The following FBXO32 variants were observed in gnomAD, a reference collection of about 807,000 sequenced individuals.
FBXO32 encodes the protein F-box only protein 32.
In FBXO32, 15 loss-of-function variants were observed where a neutral mutation model predicts 48.3. That is an observed-to-expected ratio of 0.31 (90% CI 0.21 to 0.48). The LOEUF is 0.48. Among genes scored for constraint, FBXO32 ranks in the 20% least tolerant of loss-of-function variants. The pLI is 0.99. For missense variants in FBXO32, 309 were observed against 432.7 expected, an observed-to-expected ratio of 0.71 and a Z score of 2.54; for synonymous variants, 154 against 165.9, an observed-to-expected ratio of 0.93 and a Z score of 0.55.
intron 4 of FBXO32, among the ~76,000 whole-genome samples, chr8:123,529,008 C>T (rs1817147327): frequency 6.6e-6 from 1 of 152,132 alleles, no homozygotes; most frequent in Non-Finnish European, 1.5e-5. Flanking sequence ...GAGAAGTATA[C>T]TGAGTTCCTA....
At chr8:123,519,565 A>G (rs1196602520) in intron 4 of FBXO32, among the ~76,000 whole-genome samples, 1 of 151,148 alleles carries the variant, frequency 6.6e-6, no homozygotes. Context: ...AAAAAAAAAA[A>G]AAAGAAATTT....
chr8:123,531,861 AAG>A (rs1446947690), intron 4 of FBXO32, 35 bp downstream of exon 4: 2 of 1,605,222 alleles, frequency 1.2e-6, no homozygotes, highest in Admixed American at 1.7e-5. Flanking sequence ...CAACTTGGGA[AAG>A]AGCCTGGATG....
In FBXO32 at chr8:123,537,291, A is replaced by G. The variant is rs184075359; in HGVS notation, c.117-2477T>C. ...CTCAACGAGGCTGCTTTCTTCACTA[A>G]ATTCAATAATAGCCAGCAAGTCGCT... is the stretch of plus-strand genomic sequence containing the variant. On this transcript the variant is annotated intron_variant, in intron 1 of 8. Coordinates refer to ENST00000517956, the MANE Select transcript of FBXO32 (RefSeq NM_058229.4). Among the ~76,000 whole-genome samples the G allele has an allele frequency of 2.2e-4, 33 of 152,180 alleles. 1 individual carries two copies. In the East Asian group the frequency reaches 5.6e-3, roughly 26 times the overall value.
intron 4 of FBXO32, 83 bp from the exon 5 acceptor site, chr8:123,514,416 C>T (rs1250575401): frequency 2.1e-5 from 22 of 1,023,484 alleles, no homozygotes; most frequent in East Asian, 5.4e-5. Context: ...TCCCATGACA[C>T]GTGGATACAG....
chr8:123,532,115 C>T, intron 3 of FBXO32, 125 bp from the exon 4 acceptor site: 1 of 1,473,534 alleles, frequency 6.8e-7, no homozygotes, highest in Non-Finnish European at 9.0e-7. Flanking sequence ...TCTTAGGTGA[C>T]CTGGGGCACT....
At chr8:123,517,231 G>A (rs1816857371) in intron 4 of FBXO32, among the ~76,000 whole-genome samples, 2 of 152,190 alleles carry the variant, frequency 1.3e-5, no homozygotes, top group South Asian at 4.1e-4. Context: ...CCAAAACCCA[G>A]ATTCCATGTG....
At chr8:123,531,869 G>A (rs1817216527) in intron 4 of FBXO32, 29 bp downstream of exon 4, 1 of 1,611,476 alleles carries the variant, frequency 6.2e-7, no homozygotes, top group Non-Finnish European at 8.5e-7. Context: ...GAAAGAGCCT[G>A]GATGAGCCTT....
intron 8 of FBXO32, among the ~76,000 whole-genome samples, chr8:123,504,257 C>A (rs529699490): frequency 1.3e-5 from 2 of 151,936 alleles, no homozygotes; most frequent in Admixed American, 1.3e-4. Flanking sequence ...CCTGAAACTA[C>A]GTACATCTAT....
Position 123,513,407 on chromosome 8 carries a change from T to C in FBXO32, c.467-25A>G. On this transcript the variant is annotated intron_variant, in intron 5 of 8. Coordinates refer to ENST00000517956, the MANE Select transcript of FBXO32 (RefSeq NM_058229.4). The surrounding 1 kb of genome is among the most constrained non-coding windows in gnomAD (Gnocchi z 4.3). ...ACTTGAGTAGGGAAGAAAAAAATAATTAAAGTTATGATACTGGAACACCCT... is the reference window on the plus strand; with the variant it reads ...ACTTGAGTAGGGAAGAAAAAAATAACTAAAGTTATGATACTGGAACACCCT... The C allele has an allele frequency of 6.3e-7, 1 of 1,595,328 alleles. No individual in the cohort carries two copies. Among genetic ancestry groups the C allele is most frequent in the Non-Finnish European group, 8.6e-7 (1 of 1,165,420 alleles).
intron 4 of FBXO32, among the ~76,000 whole-genome samples, chr8:123,522,856 C>T (rs1463916754): frequency 6.6e-6 from 1 of 152,170 alleles, no homozygotes; most frequent in Non-Finnish European, 1.5e-5. Flanking sequence ...CTAGACTGTA[C>T]TAATTCAACT....
Position 123,513,479 on chromosome 8 carries a change from C to T in FBXO32, c.467-97G>A. ...CTCTGTCTGTATTCCACTCATGTTA[C>T]CCAGGCACTGCCTCTGGGGATATGG... On this transcript the variant is annotated intron_variant, in intron 5 of 8. Transcript: ENST00000517956. This position sits in a 1 kb window ranked among gnomAD's most constrained non-coding sequence, Gnocchi z 4.3. The T allele has an allele frequency of 9.7e-7, 1 of 1,030,624 alleles. No homozygotes were observed. The highest frequency in any genetic ancestry group is 1.4e-6 in the Non-Finnish European group (1 of 704,072). 63.8% of individuals were successfully genotyped at this position (1,030,624 alleles called of 1,614,324 possible). A position where few individuals can be genotyped will look rare whatever the true frequency, so the allele number is the denominator to read the frequency against.
At chr8:123,517,969 G>A in intron 4 of FBXO32, among the ~76,000 whole-genome samples, 1 of 152,106 alleles carries the variant, frequency 6.6e-6, no homozygotes, top group East Asian at 1.9e-4. Context: ...AGGTTTGTGG[G>A]CCACGTGGTC....
chr8:123,503,578 C>T (rs531452334), intron 8 of FBXO32, 116 bp from the exon 9 acceptor site: 2 of 705,522 alleles, frequency 2.8e-6, no homozygotes, highest in South Asian at 3.6e-5. Context: ...TGCCCCAGGC[C>T]TAAATGTTGC....
At chr8:123,528,905 G>A (rs1404243734) in intron 4 of FBXO32, among the ~76,000 whole-genome samples, 2 of 152,016 alleles carry the variant, frequency 1.3e-5, no homozygotes, top group African/African-American at 4.8e-5. Context: ...AGTAATCATT[G>A]TAGCATTTAA....
chr8:123,533,512 C>G (rs1053117347), intron 2 of FBXO32, among the ~76,000 whole-genome samples: 1 of 151,994 alleles, frequency 6.6e-6, no homozygotes, highest in Non-Finnish European at 1.5e-5. Context: ...AGCATTATGC[C>G]ATAAGAAATT....
At chr8:123,503,805 C>T (rs549659685) in intron 8 of FBXO32, among the ~76,000 whole-genome samples, 1 of 152,280 alleles carries the variant, frequency 6.6e-6, no homozygotes, top group South Asian at 2.1e-4. Flanking sequence ...AGGCTGGGCA[C>T]GATGGCTCAC....
chr8:123,541,110 CGCGACGGGG>C lies in FBXO32; in HGVS notation c.-105_-97del. 2.9e-6 allele frequency: 2 copies of C among 683,852 alleles called. No individual in the cohort carries two copies. The highest frequency in any genetic ancestry group is 4.2e-6 in the Non-Finnish European group (2 of 470,872). The allele number at this position is 683,852 out of a possible 1,614,324, so 42.4% of individuals were successfully genotyped here. ...GGCGGATGCTCGGGGTGCAGGGGCCCGCGACGGGGGCGGCGGGGCGGCGGGAACGGCGCG... is the reference window on the plus strand; with the variant it reads ...GGCGGATGCTCGGGGTGCAGGGGCCCGCGGCGGGGCGGCGGGAACGGCGCG... On this transcript the variant is annotated 5_prime_UTR_variant, in exon 1 of 9. Transcript: ENST00000517956.
At chr8:123,523,351 G>A (rs925487104) in intron 4 of FBXO32, among the ~76,000 whole-genome samples, 3 of 152,112 alleles carry the variant, frequency 2.0e-5, no homozygotes, top group East Asian at 1.9e-4. Flanking sequence ...CAGCACTTTC[G>A]GAGGCCAAGA....
chr8:123,501,170 T>TA lies in FBXO32; in HGVS notation c.*2202dup, dbSNP rs1373022495. On this transcript the variant is annotated 3_prime_UTR_variant, in exon 9 of 9. Transcript: ENST00000517956. ...CAACATGTGGAAGGCCATGAACCCC[T>TA]AAATCTAAAAATGTCACTAAGAGTC... 1 of 152,144 alleles carries TA rather than the reference T, an allele frequency of 6.6e-6. No individual in the cohort carries two copies. Among genetic ancestry groups the TA allele is most frequent in the Non-Finnish European group, 1.5e-5 (1 of 68,026 alleles). The allele number at this position is 152,144 out of a possible 1,614,324, so 9.4% of individuals were successfully genotyped here.
Sources: allele counts gnomAD v4.1 joint callset (sites outside exome capture counted in the v4.1 genomes callset), GRCh38; gene constraint gnomAD v4.1.1; non-coding constraint Gnocchi (gnomAD v3.1); transcripts MANE v1.5; gene names NCBI Gene and HGNC (gene_info 2026-07-23, HGNC 2026-07-21).